MYH10: variants seen among roughly 807,000 people sequenced by gnomAD.
MYH10 encodes the protein myosin heavy chain 10.
Under a neutral mutation model 257.8 loss-of-function variants are expected in MYH10, and 55 were observed. The ratio of observed to expected loss-of-function variants is 0.21; its 90% CI spans 0.17 to 0.27. The LOEUF is 0.27. Among genes scored for constraint, MYH10 ranks in the 10% least tolerant of loss-of-function variants. MYH10 has a pLI of 1.00. For missense variants in MYH10, 1,631 were observed against 2,500.6 expected (o/e 0.65, Z 7.42); for synonymous variants, 854 against 921.7 (o/e 0.93, Z 1.33).
At chr17:8,562,439 T>C (rs2083028520) in intron 7 of MYH10, among the ~76,000 whole-genome samples, 1 of 152,250 alleles carries the variant, frequency 6.6e-6, no homozygotes, top group African/African-American at 2.4e-5. Flanking sequence ...GAATTAACAT[T>C]TTTATTGAAA....
Position 8,477,107 on chromosome 17 carries a change from C to G in MYH10, c.5707-59G>C, listed in dbSNP as rs761567111. Reference sequence around the variant, plus strand: ...ACTGGTGAATCCAGTGTCGGCCTCTCTGTACCCCGAGCGTGGCAGTGTGGG... The same window carrying G: ...ACTGGTGAATCCAGTGTCGGCCTCTGTGTACCCCGAGCGTGGCAGTGTGGG... On this transcript the variant is annotated intron_variant, in intron 41 of 42. Coordinates refer to ENST00000360416, the MANE Select transcript of MYH10 (RefSeq NM_001256012.3). This position sits in a 1 kb window ranked among gnomAD's most constrained non-coding sequence, Gnocchi z 4.2. 1.3e-6 allele frequency: 2 copies of G among 1,594,520 alleles called. No individual in the cohort carries two copies. The highest frequency in any genetic ancestry group is 2.7e-5 in the African/African-American group (2 of 74,616).
chr17:8,573,884 A>T, intron 6 of MYH10: 1 of 896,906 alleles, frequency 1.1e-6, no homozygotes, highest in Non-Finnish European at 1.3e-6. Flanking sequence ...GATGGCTTTA[A>T]TAAAAACACA....
At chr17:8,539,742 C>T (rs1301030068) in intron 14 of MYH10, among the ~76,000 whole-genome samples, 1 of 151,956 alleles carries the variant, frequency 6.6e-6, no homozygotes, top group Admixed American at 6.6e-5. Flanking sequence ...CACATGACAC[C>T]ATACCTGGCT....
intron 3 of MYH10, among the ~76,000 whole-genome samples, chr17:8,603,337 A>G (rs1049568688): frequency 4.6e-5 from 7 of 152,224 alleles, no homozygotes; most frequent in Non-Finnish European, 1.0e-4. Flanking sequence ...TTAATCAGTC[A>G]TTAATCAATA....
At chr17:8,551,156 A>T (rs199901642) in intron 9 of MYH10, among the ~76,000 whole-genome samples, 8 of 10,132 alleles carry the variant, frequency 7.9e-4, no homozygotes, top group Non-Finnish European at 1.4e-3. Context: ...AATAAATAAT[A>T]AATTTAAAAA....
At chr17:8,560,492 T>C (rs1458960598) in intron 7 of MYH10, 11 of 522,540 alleles carry the variant, frequency 2.1e-5, no homozygotes, top group Admixed American at 1.1e-4. Context: ...CTGTGTTCTT[T>C]TGACATCATT....
rs537193543 is a variant in MYH10, at chr17:8,605,742, CACAAACAA to C, written c.346-768_346-761del. On this transcript the variant is annotated intron_variant, in intron 2 of 42. Transcript: ENST00000360416. The stretch of plus-strand genomic sequence containing the variant: ...CCTGGGTAAGAAAGTGAGACTCCAT[CACAAACAA>C]ACAAACAAACAAACAAACAAAAGAA... Among the ~76,000 whole-genome samples, 595 of 152,090 alleles carry C rather than the reference CACAAACAA, an allele frequency of 3.9e-3. 7 individuals are homozygous for C. The highest frequency in any genetic ancestry group is 0.012 in the African/African-American group (492 of 41,470).
intron 7 of MYH10, among the ~76,000 whole-genome samples, chr17:8,555,633 A>C (rs2082766787): frequency 6.6e-6 from 1 of 152,210 alleles, no homozygotes. Flanking sequence ...CTACATATAA[A>C]ACTTAACTCA....
In MYH10 at chr17:8,552,180, A is replaced by ATATTAAATAATT; in HGVS notation, c.821-37_821-36insAATTATTTAATA. ...ACAGTTAAGAATTAAATTATTTAAT[A>ATATTAAATAATT]TAATTCTTAAATAAATAAAGGCCCT... On this transcript the variant is annotated intron_variant, in intron 8 of 42. Transcript: ENST00000360416. This position sits in a 1 kb window ranked among gnomAD's most constrained non-coding sequence, Gnocchi z 4.8. 1 of 1,127,362 alleles carries ATATTAAATAATT rather than the reference A, an allele frequency of 8.9e-7. No homozygotes were observed. Among genetic ancestry groups the ATATTAAATAATT allele is most frequent in the Non-Finnish European group, 1.2e-6 (1 of 818,994 alleles). 69.8% of individuals were successfully genotyped at this position (1,127,362 alleles called of 1,614,324 possible).
intron 27 of MYH10, among the ~76,000 whole-genome samples, chr17:8,505,547 T>C (rs1360164374): frequency 6.6e-6 from 1 of 152,246 alleles, no homozygotes; most frequent in Non-Finnish European, 1.5e-5. Flanking sequence ...ATAGTTATTC[T>C]TTATAAAGAA....
rs892162143 is a variant in MYH10 at position 8,552,831 on chromosome 17, C to T, written c.821-687G>A. Among the ~76,000 whole-genome samples the T allele has an allele frequency of 2.0e-5, 3 of 152,218 alleles. No individual in the cohort carries two copies. Among genetic ancestry groups the T allele is most frequent in the Non-Finnish European group, 4.4e-5 (3 of 68,036 alleles). On this transcript the variant is annotated intron_variant, in intron 8 of 42. Coordinates refer to ENST00000360416, the MANE Select transcript of MYH10 (RefSeq NM_001256012.3). The surrounding 1 kb of genome is among the most constrained non-coding windows in gnomAD (Gnocchi z 4.8). ...GCCAGTACCTACGCCTGCTGCTACC[C>T]ACCCTGCCTGGGCTTCCCAGGGGGC...
At chr17:8,612,442 G>C (rs2032799140) in intron 2 of MYH10, among the ~76,000 whole-genome samples, 1 of 152,188 alleles carries the variant, frequency 6.6e-6, no homozygotes, top group African/African-American at 2.4e-5. Context: ...AAGATATTCT[G>C]AAAGAGGGAG....
At chr17:8,478,882 C>T (rs1228174105) in intron 40 of MYH10, among the ~76,000 whole-genome samples, 1 of 152,220 alleles carries the variant, frequency 6.6e-6, no homozygotes, top group Non-Finnish European at 1.5e-5. Context: ...AAGGCATGCA[C>T]CACCACGCTG....
intron 21 of MYH10, among the ~76,000 whole-genome samples, chr17:8,514,258 T>C (rs916407941): frequency 6.6e-6 from 1 of 152,246 alleles, no homozygotes; most frequent in Admixed American, 6.5e-5. Flanking sequence ...TTCTCTGTGC[T>C]GCTCTCTTTA....
chr17:8,562,500 C>T (rs185767614), intron 7 of MYH10, among the ~76,000 whole-genome samples: 40 of 152,276 alleles, frequency 2.6e-4, no homozygotes, highest in African/African-American at 8.9e-4. Context: ...TAAGTGGGAA[C>T]GCTATCTTTA....
At chr17:8,482,118 A>G (rs1045892452) in intron 37 of MYH10, among the ~76,000 whole-genome samples, 1 of 152,200 alleles carries the variant, frequency 6.6e-6, no homozygotes, top group Non-Finnish European at 1.5e-5. Flanking sequence ...AAAGGAGTCA[A>G]GGGTGCATTT....
rs145383748 is a variant in MYH10 at position 8,620,120 on chromosome 17, C to T, written c.345+2782G>A. Among the ~76,000 whole-genome samples, 589 of 152,172 alleles carry T rather than the reference C, an allele frequency of 3.9e-3. 4 individuals are homozygous for T. Among genetic ancestry groups the T allele is most frequent in the African/African-American group, 0.013 (552 of 41,500 alleles). ...TAATCTAACAGCCATATATTGAACC[C>T]TATATCCAACAGTAACAGAATACAC... On this transcript the variant is annotated intron_variant, in intron 2 of 42. Transcript: ENST00000360416.
intron 33 of MYH10, 55 bp from the exon 34 acceptor site, chr17:8,492,564 T>C (rs2151819606): frequency 6.5e-7 from 1 of 1,537,926 alleles, no homozygotes; most frequent in African/African-American, 1.4e-5. Context: ...CATCAACTTT[T>C]CTCTTCCACC....
intron 14 of MYH10, among the ~76,000 whole-genome samples, chr17:8,541,659 A>T (rs2082291019): frequency 6.6e-6 from 1 of 152,194 alleles, no homozygotes; most frequent in South Asian, 2.1e-4. Context: ...AAAACTTCAA[A>T]TTAAAAAAAA....
Sources: gnomAD v4.1 joint callset for allele counts (sites outside exome capture counted in the v4.1 genomes callset) on GRCh38, gnomAD v4.1.1 for gene constraint, Gnocchi (gnomAD v3.1) non-coding constraint, MANE v1.5 for transcripts, NCBI Gene and HGNC (gene_info 2026-07-23, HGNC 2026-07-21) for gene names.